The following GRM5 variants were observed in gnomAD, a reference collection of about 807,000 sequenced individuals.
GRM5 encodes the protein metabotropic glutamate receptor 5.
GRM5 carries 19 observed loss-of-function variants against 83.1 expected under a neutral mutation model. That is an observed-to-expected ratio of 0.23 (90% CI 0.16 to 0.34). The LOEUF (loss-of-function observed/expected upper bound fraction) is 0.34. Ranked by LOEUF, GRM5 falls within the 10% of genes least tolerant of loss-of-function variation. The probability of loss-of-function intolerance (pLI) is 1.00; values close to 1 mark genes in which losing one functional copy is unlikely to be tolerated. For missense variants in GRM5, 1,160 were observed against 1,588.3 expected, an observed-to-expected ratio of 0.73 and a Z score of 4.58; for synonymous variants, 675 against 633.6, an observed-to-expected ratio of 1.07 and a Z score of -0.98.
chr11:88,785,240 G>T (rs1943047113), intron 3 of GRM5, among the ~76,000 whole-genome samples: 1 of 151,944 alleles, frequency 6.6e-6, no homozygotes, highest in Non-Finnish European at 1.5e-5. Context: ...TACAATTAGT[G>T]GCCTTCAAAT....
intron 3 of GRM5, among the ~76,000 whole-genome samples, chr11:88,826,412 A>T (rs1226956890): frequency 6.6e-6 from 1 of 151,712 alleles, no homozygotes; most frequent in African/African-American, 2.4e-5. Context: ...TATCAACTAC[A>T]AATACACAGA....
At position 88,622,817 on chromosome 11, in the gene GRM5, T is replaced by C. The variant is rs1399183477; in HGVS notation, c.1148-17853A>G. 4.6e-5 allele frequency among the ~76,000 whole-genome samples: 7 copies of C among 152,352 alleles called. No individual in the cohort carries two copies. The South Asian group carries it at 6.2e-4, about 14-fold the overall frequency. ...GAGGAATTAGTCTCATGCGTATGCA[T>C]ATGGTTTAGCTTATTTGGAGTCATA... On this transcript the variant is annotated intron_variant, in intron 4 of 9. Coordinates refer to ENST00000305447, the MANE Select transcript of GRM5 (RefSeq NM_001143831.3).
chr11:88,824,777 G>A (rs892795816), intron 3 of GRM5, among the ~76,000 whole-genome samples: 16 of 152,122 alleles, frequency 1.1e-4, no homozygotes, highest in Admixed American at 4.6e-4. Flanking sequence ...TTGGCCTGGC[G>A]GTTGGGGACC....
At chr11:88,865,539 CA>C (rs1565267466) in intron 2 of GRM5, among the ~76,000 whole-genome samples, 2 of 152,086 alleles carry the variant, frequency 1.3e-5, no homozygotes, top group Admixed American at 6.6e-5. Flanking sequence ...GCAATGGCAA[CA>C]AAAGACAAAA....
intron 2 of GRM5, among the ~76,000 whole-genome samples, chr11:88,903,308 C>G (rs1945347475): frequency 6.6e-6 from 1 of 152,160 alleles, no homozygotes; most frequent in Non-Finnish European, 1.5e-5. Flanking sequence ...CATTTTTAAA[C>G]TAGTACAACT....
At chr11:88,936,714 T>C (rs1055084825) in intron 2 of GRM5, among the ~76,000 whole-genome samples, 6 of 151,880 alleles carry the variant, frequency 4.0e-5, no homozygotes, top group Non-Finnish European at 8.8e-5. Context: ...ACAGTCATTA[T>C]GAACGTTAAT....
At chr11:88,933,721 A>C (rs540586337) in intron 2 of GRM5, among the ~76,000 whole-genome samples, 1 of 151,848 alleles carries the variant, frequency 6.6e-6, no homozygotes, top group Non-Finnish European at 1.5e-5. Context: ...AATCAATGAA[A>C]CCAAGAAATC....
intron 3 of GRM5, among the ~76,000 whole-genome samples, chr11:88,753,170 C>T (rs930267908): frequency 9.2e-5 from 14 of 152,040 alleles, no homozygotes; most frequent in Admixed American, 5.9e-4. Flanking sequence ...AACAGACAAC[C>T]TACAGATTGG....
chr11:88,760,573 T>G (rs915887092), intron 3 of GRM5, among the ~76,000 whole-genome samples: 3 of 151,996 alleles, frequency 2.0e-5, no homozygotes, highest in Non-Finnish European at 2.9e-5. Context: ...ATAAATAGCC[T>G]ACCAACCAAA....
chr11:88,603,198 C>A (rs1210169234), intron 5 of GRM5, among the ~76,000 whole-genome samples: 1 of 152,174 alleles, frequency 6.6e-6, no homozygotes, highest in East Asian at 1.9e-4. Context: ...AATAAGGTAG[C>A]GATGTTCTGC....
chr11:88,737,443 C>T (rs1327343227), intron 3 of GRM5, among the ~76,000 whole-genome samples: 1 of 152,062 alleles, frequency 6.6e-6, no homozygotes. Context: ...GACTGTATAA[C>T]ATGTATTAAA....
intron 2 of GRM5, among the ~76,000 whole-genome samples, chr11:88,919,719 A>G (rs774921593): frequency 6.6e-6 from 1 of 152,076 alleles, no homozygotes; most frequent in African/African-American, 2.4e-5. Context: ...GAACAACAGA[A>G]TAATATTAAA....
At position 88,652,548 on chromosome 11, in the gene GRM5, A is replaced by G. The variant is rs1444643304; in HGVS notation, c.1147+620T>C. ...AAGATAGTAAACCTTTGAGGGCAGG[A>G]ACTAGCTTTCTCCATCTTGGTATCC... On this transcript the variant is annotated intron_variant, in intron 4 of 9. Coordinates refer to ENST00000305447, the MANE Select transcript of GRM5 (RefSeq NM_001143831.3). Among the ~76,000 whole-genome samples the G allele has an allele frequency of 3.3e-5, 5 of 152,092 alleles. 1 individual carries two copies. The highest frequency in any genetic ancestry group is 3.3e-4 in the Admixed American group (5 of 15,246).
chr11:88,652,775 A>G (rs902885813), intron 4 of GRM5, among the ~76,000 whole-genome samples: 1 of 152,080 alleles, frequency 6.6e-6, no homozygotes, highest in Non-Finnish European at 1.5e-5. Flanking sequence ...CTTTGTACAT[A>G]TATGAAACCG....
At chr11:88,912,786 A>G (rs1198510706) in intron 2 of GRM5, among the ~76,000 whole-genome samples, 1 of 152,150 alleles carries the variant, frequency 6.6e-6, no homozygotes, top group Non-Finnish European at 1.5e-5. Context: ...AAACAAAAGC[A>G]CTTGATAAAA....
At chr11:88,533,979 A>G (rs1421288122) in intron 8 of GRM5, among the ~76,000 whole-genome samples, 1 of 152,194 alleles carries the variant, frequency 6.6e-6, no homozygotes, top group African/African-American at 2.4e-5. Context: ...TGCAAGCCCC[A>G]GGTCTTGGCA....
At chr11:88,554,680 G>C (rs925350319) in intron 8 of GRM5, among the ~76,000 whole-genome samples, 1 of 152,100 alleles carries the variant, frequency 6.6e-6, no homozygotes, top group Non-Finnish European at 1.5e-5. Flanking sequence ...TTGTTTGTTT[G>C]GACCTGAATG....
chr11:88,746,626 A>G (rs1403136578), intron 3 of GRM5, among the ~76,000 whole-genome samples: 1 of 152,026 alleles, frequency 6.6e-6, no homozygotes, highest in African/African-American at 2.4e-5. Context: ...GAGCTGATTT[A>G]TTTTCACCTG....
At chr11:88,594,566 T>C (rs769745525) in intron 6 of GRM5, among the ~76,000 whole-genome samples, 3 of 152,228 alleles carry the variant, frequency 2.0e-5, no homozygotes, top group Non-Finnish European at 4.4e-5. Flanking sequence ...GCTGTTGCTG[T>C]ATACCATAAT....
Sources: allele counts gnomAD v4.1 joint callset (sites outside exome capture counted in the v4.1 genomes callset), GRCh38; gene constraint gnomAD v4.1.1; transcripts MANE v1.5; gene names NCBI Gene and HGNC (gene_info 2026-07-23, HGNC 2026-07-21).